The following ROBO1 variants were observed in gnomAD, a reference collection of about 807,000 sequenced individuals.
ROBO1 encodes roundabout guidance receptor 1.
ROBO1 carries 149 observed loss-of-function variants against 195.9 expected under a neutral mutation model. The ratio of observed to expected loss-of-function variants is 0.76; its 90% confidence interval spans 0.67 to 0.87. ROBO1 has a LOEUF of 0.87. ROBO1 is among the 40% of genes least tolerant of loss of function. The pLI, the probability that ROBO1 is intolerant of heterozygous loss-of-function variation, is 0.00. For synonymous variants in ROBO1, 816 were observed against 733.2 expected (o/e 1.11, Z -1.82); for missense variants, 1,933 against 2,068.3 (o/e 0.93, Z 1.27).
chr3:78,854,393 G>T (rs2034278376), intron 4 of ROBO1, among the ~76,000 whole-genome samples: 1 of 149,460 alleles, frequency 6.7e-6, no homozygotes, highest in Admixed American at 6.7e-5. Flanking sequence ...ATATATATGT[G>T]TGTGTGGGAG....
At chr3:78,977,466 TGAATA>T (rs1483407553) in intron 3 of ROBO1, among the ~76,000 whole-genome samples, 5 of 152,144 alleles carry the variant, frequency 3.3e-5, no homozygotes, top group African/African-American at 1.2e-4. Flanking sequence ...TTACTTAAAT[TGAATA>T]GAATATTTAT....
chr3:79,660,610 G>T (rs1946300668), intron 1 of ROBO1, among the ~76,000 whole-genome samples: 1 of 152,064 alleles, frequency 6.6e-6, no homozygotes, highest in Non-Finnish European at 1.5e-5. Flanking sequence ...TATTTCTGTT[G>T]TTAAGAGAGT....
chr3:78,884,559 GAGAAAGAGAGAA>G (rs759684837), intron 4 of ROBO1, among the ~76,000 whole-genome samples: 19 of 148,260 alleles, frequency 1.3e-4, no homozygotes, highest in Admixed American at 4.1e-4. Flanking sequence ...GAAAGAAAGA[GAGAAAGAGAGAA>G]AGAAAGAGAG....
chr3:79,695,221 A>T (rs1398393226), intron 1 of ROBO1, among the ~76,000 whole-genome samples: 1 of 151,584 alleles, frequency 6.6e-6, no homozygotes, highest in Non-Finnish European at 1.5e-5. Context: ...ATAAAAACTA[A>T]CAATAAGATG....
At position 78,597,627 on chromosome 3, in the gene ROBO1, G is replaced by GCAT. The variant is rs1702906354; in HGVS notation, c.*1283_*1285dup. The GCAT allele has an allele frequency of 6.6e-6, 1 of 152,164 alleles. No individual in the cohort carries two copies. Among genetic ancestry groups the GCAT allele is most frequent in the Non-Finnish European group, 1.5e-5 (1 of 67,968 alleles). The allele number at this position is 152,164 out of a possible 1,614,324, so 9.4% of individuals were successfully genotyped here. A position where few individuals can be genotyped will look rare whatever the true frequency, so the allele number is the denominator to read the frequency against. On this transcript the variant is annotated 3_prime_UTR_variant, in exon 31 of 31. Transcript: ENST00000464233. ...ATCATAGAAATCTACTAGTCAGAGG[G>GCAT]CATCATTTGTCAATTGAAAGCAAGT...
chr3:79,589,683 A>G (rs1018828032), intron 2 of ROBO1, 141 bp downstream of exon 2: 1 of 639,208 alleles, frequency 1.6e-6, no homozygotes, highest in Non-Finnish European at 2.8e-6. Flanking sequence ...CAGCACTCAT[A>G]CTCAAGAAGA....
rs1224648194 is a variant in ROBO1, at chr3:79,095,512, G to A, written c.172+29944C>T. Reference sequence around the variant, plus strand: ...TTCCTGGAAGATGAACCTCCAGCTTGAGCCAAGCCACCAGGTGATTGAAGC... The same window carrying A: ...TTCCTGGAAGATGAACCTCCAGCTTAAGCCAAGCCACCAGGTGATTGAAGC... On this transcript the variant is annotated intron_variant, in intron 3 of 30. Coordinates refer to ENST00000464233, the MANE Select transcript of ROBO1 (RefSeq NM_002941.4). Among the ~76,000 whole-genome samples the A allele has an allele frequency of 3.9e-5, 6 of 152,130 alleles. No homozygotes were observed. In the East Asian group the frequency reaches 1.2e-3, roughly 30 times the overall value.
intron 2 of ROBO1, among the ~76,000 whole-genome samples, chr3:79,268,911 G>A (rs1176063760): frequency 6.6e-6 from 1 of 151,462 alleles, no homozygotes; most frequent in Admixed American, 6.6e-5. Flanking sequence ...ATCATTTTTT[G>A]GACATTCTAT....
chr3:79,427,832 A>G (rs193030716), intron 2 of ROBO1, among the ~76,000 whole-genome samples: 1 of 152,280 alleles, frequency 6.6e-6, no homozygotes, highest in Non-Finnish European at 1.5e-5. Context: ...TCAAACTATG[A>G]AACTACTAAA....
At chr3:78,967,537 G>T (rs2076674368) in intron 3 of ROBO1, among the ~76,000 whole-genome samples, 1 of 152,076 alleles carries the variant, frequency 6.6e-6, no homozygotes, top group Non-Finnish European at 1.5e-5. Flanking sequence ...AAGTCTTCCC[G>T]AATTTAGACT....
intron 10 of ROBO1, among the ~76,000 whole-genome samples, chr3:78,685,066 C>T (rs1039080637): frequency 1.3e-5 from 2 of 151,954 alleles, no homozygotes; most frequent in Non-Finnish European, 2.9e-5. Flanking sequence ...TCTTGTAACA[C>T]TTTCTTGATT....
intron 1 of ROBO1, among the ~76,000 whole-genome samples, chr3:79,721,532 C>A (rs117711582): frequency 6.6e-6 from 1 of 152,028 alleles, no homozygotes; most frequent in Non-Finnish European, 1.5e-5. Context: ...AACAAAAATC[C>A]GTATGGTTAG....
At chr3:79,517,069 C>T (rs1471540379) in intron 2 of ROBO1, among the ~76,000 whole-genome samples, 2 of 152,146 alleles carry the variant, frequency 1.3e-5, no homozygotes, top group Non-Finnish European at 2.9e-5. Flanking sequence ...AAGACTCTTT[C>T]TGTTGAATTC....
chr3:79,571,845 T>C (rs1943288724), intron 2 of ROBO1, among the ~76,000 whole-genome samples: 2 of 152,146 alleles, frequency 1.3e-5, no homozygotes, highest in Non-Finnish European at 2.9e-5. Context: ...GACAGACAAT[T>C]CATTGAGCAT....
chr3:79,468,697 A>G (rs1384671145), intron 2 of ROBO1, among the ~76,000 whole-genome samples: 1 of 152,162 alleles, frequency 6.6e-6, no homozygotes, highest in African/African-American at 2.4e-5. Context: ...AAATGTGAGA[A>G]TGACCAGTTC....
intron 3 of ROBO1, among the ~76,000 whole-genome samples, chr3:79,111,348 C>A (rs2079883075): frequency 6.6e-6 from 1 of 152,094 alleles, no homozygotes; most frequent in Non-Finnish European, 1.5e-5. Flanking sequence ...GCGCAGGGCT[C>A]TGAAAACTAG....
intron 3 of ROBO1, among the ~76,000 whole-genome samples, chr3:78,966,404 A>G (rs559981583): frequency 3.6e-4 from 55 of 152,322 alleles, no homozygotes; most frequent in Non-Finnish European, 5.3e-4. Flanking sequence ...ACTGATATTT[A>G]ACTGCTTGGT....
At chr3:78,653,484 C>G in intron 18 of ROBO1, among the ~76,000 whole-genome samples, 1 of 152,298 alleles carries the variant, frequency 6.6e-6, no homozygotes, top group East Asian at 1.9e-4. Flanking sequence ...GTAATACCTT[C>G]AACAGCAAAA....
intron 3 of ROBO1, among the ~76,000 whole-genome samples, chr3:78,960,813 C>G (rs1022222258): frequency 6.6e-6 from 1 of 151,270 alleles, no homozygotes; most frequent in Non-Finnish European, 1.5e-5. Flanking sequence ...CACACACACA[C>G]ACACACACAC....
Sources: gnomAD v4.1 joint callset for allele counts (sites outside exome capture counted in the v4.1 genomes callset) on GRCh38, gnomAD v4.1.1 for gene constraint, MANE v1.5 for transcripts, NCBI Gene and HGNC (gene_info 2026-07-23, HGNC 2026-07-21) for gene names.